Variants in PLEKHG1 observed in about 807,000 individuals in gnomAD.
PLEKHG1 encodes the protein pleckstrin homology and RhoGEF domain containing G1.
PLEKHG1 carries 44 observed loss-of-function variants against 100.8 expected under a neutral mutation model. That is an observed-to-expected ratio of 0.44 (90% CI 0.34 to 0.56). The LOEUF (loss-of-function observed/expected upper bound fraction) is 0.56, where lower values mean the gene tolerates loss of function less well. PLEKHG1 is among the 20% of genes least tolerant of loss of function. PLEKHG1 has a pLI of 0.01. For missense variants in PLEKHG1, 1,545 were observed against 1,720.9 expected, an observed-to-expected ratio of 0.90 and a Z score of 1.81; for synonymous variants, 640 against 662.5, an observed-to-expected ratio of 0.97 and a Z score of 0.52.
chr6:150,697,037 C>T lies in PLEKHG1; in HGVS notation c.-98-36547C>T, dbSNP rs547630387. 8.2e-4 allele frequency among the ~76,000 whole-genome samples: 124 copies of T among 150,884 alleles called. 1 individual carries two copies. Among genetic ancestry groups the T allele is most frequent in the Non-Finnish European group, 1.5e-3 (100 of 67,868 alleles). ...GCCTGAACCTGGGAGGCAGAGGTTG[C>T]GGTGAGCCAAGATGGTACCACTGCA... On this transcript the variant is annotated intron_variant, in intron 3 of 3. Coordinates refer to the PLEKHG1 transcript ENST00000367326.
chr6:150,730,950 G>A (rs1442243217), intron 1 of PLEKHG1, among the ~76,000 whole-genome samples: 1 of 151,654 alleles, frequency 6.6e-6, no homozygotes, highest in Non-Finnish European at 1.5e-5. Context: ...CCAAATCATA[G>A]CCTCATTGGA....
At position 150,678,006 on chromosome 6, in the gene PLEKHG1, TA is replaced by T. The variant is rs1320448636; in HGVS notation, c.-99+27221del. Among the ~76,000 whole-genome samples the T allele has an allele frequency of 3.4e-5, 5 of 148,992 alleles. No individual in the cohort carries two copies. In the East Asian group the frequency reaches 9.8e-4, roughly 29 times the overall value. On this transcript the variant is annotated intron_variant, in intron 3 of 3. Coordinates refer to the PLEKHG1 transcript ENST00000367326. ...TTTGTAGCAAAGTGTTTTTTAGTGT[TA>T]TTTTTAATTGATAATAATTGTATAT... is the stretch of plus-strand genomic sequence containing the variant.
chr6:150,679,519 C>G (rs2128588535), intron 3 of PLEKHG1, among the ~76,000 whole-genome samples: 1 of 152,328 alleles, frequency 6.6e-6, no homozygotes, highest in South Asian at 2.1e-4. Flanking sequence ...TACAGGCTTG[C>G]TTCTTTACCT....
In PLEKHG1 at chr6:150,795,904, T is replaced by C; in HGVS notation, c.629+2T>C. On this transcript the variant is annotated splice_donor_variant, in intron 5 of 15. Transcript: ENST00000358517. LOFTEE classifies it high-confidence loss of function. The stretch of plus-strand genomic sequence containing the variant: ...CCAGTATTGCACTAACTATCCAAGG[T>C]ATGGATCGAGAATGGGCCAAGAGTA... 6.3e-7 allele frequency: 1 copy of C among 1,588,668 alleles called. No homozygotes were observed. The highest frequency in any genetic ancestry group is 8.6e-7 in the Non-Finnish European group (1 of 1,157,552).
chr6:150,819,793 T>A lies in PLEKHG1; in HGVS notation c.1408+19T>A. 7.2e-7 allele frequency: 1 copy of A among 1,387,706 alleles called. No individual in the cohort carries two copies. The allele number at this position is 1,387,706 out of a possible 1,614,324, so 86.0% of individuals were successfully genotyped here. A position where few individuals can be genotyped will look rare whatever the true frequency, so the allele number is the denominator to read the frequency against. ...AAATCTGGTAAGTAAGATGTTGTCA[T>A]AAAAATTTAATTCTAATGGGGGACT... is the stretch of plus-strand genomic sequence containing the variant. On this transcript the variant is annotated intron_variant, in intron 12 of 15. Transcript: ENST00000358517.
intron 3 of PLEKHG1, among the ~76,000 whole-genome samples, chr6:150,658,615 T>C (rs950436007): frequency 6.6e-6 from 1 of 152,194 alleles, no homozygotes; most frequent in Non-Finnish European, 1.5e-5. Flanking sequence ...AATTGAGGAC[T>C]TCCAGTCACC....
intron 3 of PLEKHG1, among the ~76,000 whole-genome samples, chr6:150,661,981 C>T (rs969829625): frequency 9.9e-5 from 15 of 151,988 alleles, no homozygotes; most frequent in Middle Eastern, 3.4e-3. Context: ...GCCAGGATCC[C>T]GAGAGAAGGA....
chr6:150,654,336 A>G (rs1158653185), intron 3 of PLEKHG1, among the ~76,000 whole-genome samples: 1 of 152,194 alleles, frequency 6.6e-6, no homozygotes, highest in African/African-American at 2.4e-5. Flanking sequence ...TATGTTTTCC[A>G]GCCTAGATTT....
At chr6:150,622,677 G>A (rs893095711) in intron 1 of PLEKHG1, among the ~76,000 whole-genome samples, 3 of 152,194 alleles carry the variant, frequency 2.0e-5, no homozygotes, top group Non-Finnish European at 4.4e-5. Flanking sequence ...AACAGGTTTT[G>A]TTCAAGGACA....
At chr6:150,655,541 T>A (rs982554832) in intron 3 of PLEKHG1, among the ~76,000 whole-genome samples, 3 of 151,654 alleles carry the variant, frequency 2.0e-5, no homozygotes, top group African/African-American at 7.3e-5. Flanking sequence ...ACCCCGTCTG[T>A]ACTAAAAATA....
At chr6:150,677,135 T>C (rs893100982) in intron 3 of PLEKHG1, among the ~76,000 whole-genome samples, 1 of 152,166 alleles carries the variant, frequency 6.6e-6, no homozygotes, top group Non-Finnish European at 1.5e-5. Context: ...CCAACTTCAT[T>C]GAGAGTTGTC....
At chr6:150,648,693 G>A (rs12198116) in intron 2 of PLEKHG1, among the ~76,000 whole-genome samples, 1 of 151,838 alleles carries the variant, frequency 6.6e-6, no homozygotes, top group Non-Finnish European at 1.5e-5. Context: ...TATCAAATTG[G>A]GGAGCCTCAT....
chr6:150,764,014 C>G (rs147361787), intron 2 of PLEKHG1, among the ~76,000 whole-genome samples: 4 of 152,208 alleles, frequency 2.6e-5, no homozygotes, highest in Non-Finnish European at 5.9e-5. Flanking sequence ...CTCCTCTCCA[C>G]CTGACTCAGG....
At chr6:150,704,116 T>G (rs561793941) in intron 3 of PLEKHG1, among the ~76,000 whole-genome samples, 1 of 152,352 alleles carries the variant, frequency 6.6e-6, no homozygotes, top group East Asian at 1.9e-4. Flanking sequence ...CCGACTGACC[T>G]GTTAGCATGT....
intron 3 of PLEKHG1, among the ~76,000 whole-genome samples, chr6:150,776,748 C>T (rs1055459764): frequency 6.7e-6 from 1 of 149,878 alleles, no homozygotes; most frequent in Non-Finnish European, 1.5e-5. Flanking sequence ...TGCACATGTG[C>T]AGTTGCACAT....
chr6:150,630,852 G>A (rs1034652564), intron 1 of PLEKHG1, among the ~76,000 whole-genome samples: 1 of 152,148 alleles, frequency 6.6e-6, no homozygotes, highest in Non-Finnish European at 1.5e-5. Flanking sequence ...AATGGGGAAG[G>A]AGCTGCCAGC....
intron 1 of PLEKHG1, among the ~76,000 whole-genome samples, chr6:150,618,993 G>C (rs747989431): frequency 3.3e-5 from 5 of 152,166 alleles, no homozygotes; most frequent in Admixed American, 6.5e-5. Flanking sequence ...TGAGACTGGA[G>C]GATTGCTTGA....
At chr6:150,649,533 A>T (rs1023401701) in intron 2 of PLEKHG1, among the ~76,000 whole-genome samples, 2 of 152,090 alleles carry the variant, frequency 1.3e-5, no homozygotes, top group Non-Finnish European at 2.9e-5. Context: ...ACTTTTTTTT[A>T]ATTTTAAAAC....
intron 1 of PLEKHG1, among the ~76,000 whole-genome samples, chr6:150,618,116 G>A (rs1777145665): frequency 6.6e-6 from 1 of 152,180 alleles, no homozygotes; most frequent in African/African-American, 2.4e-5. Context: ...AGCTCTTGTT[G>A]ATGTTTGCAA....
Sources: gnomAD v4.1 joint callset for allele counts (sites outside exome capture counted in the v4.1 genomes callset) on GRCh38, gnomAD v4.1.1 for gene constraint, MANE v1.5 for transcripts, NCBI Gene and HGNC (gene_info 2026-07-23, HGNC 2026-07-21) for gene names.